Variants in FAT3 observed in about 807,000 individuals in gnomAD.
The protein encoded by FAT3 is protocadherin Fat 3.
A neutral mutation model predicts 310.2 loss-of-function variants in FAT3; 95 were observed. That is an observed-to-expected ratio of 0.31 (90% CI 0.26 to 0.36). FAT3 has a LOEUF of 0.36. FAT3 is among the 10% of genes least tolerant of loss of function. FAT3 has a pLI of 1.00. For synonymous variants in FAT3, 2,314 were observed against 2,192.9 expected, an observed-to-expected ratio of 1.06 and a Z score of -1.54; for missense variants, 5,408 against 5,715.6, an observed-to-expected ratio of 0.95 and a Z score of 1.74.
At chr11:92,311,193 A>AC (rs1947296090) in intron 1 of FAT3, among the ~76,000 whole-genome samples, 1 of 152,134 alleles carries the variant, frequency 6.6e-6, no homozygotes, top group Non-Finnish European at 1.5e-5. Flanking sequence ...TTTGGTTAAG[A>AC]ATCATTTCAA....
chr11:92,309,982 T>C (rs1361050291), intron 1 of FAT3, among the ~76,000 whole-genome samples: 1 of 151,914 alleles, frequency 6.6e-6, no homozygotes, highest in African/African-American at 2.4e-5. Flanking sequence ...TTTTTTAATA[T>C]GTGAAGGAAA....
chr11:92,593,267 C>T (rs916371439), intron 3 of FAT3, among the ~76,000 whole-genome samples: 3 of 152,022 alleles, frequency 2.0e-5, no homozygotes, highest in African/African-American at 7.2e-5. Flanking sequence ...CTGCTGTGAA[C>T]ATGGGTGAAA....
At chr11:92,349,894 A>G (rs1399529980) in intron 1 of FAT3, among the ~76,000 whole-genome samples, 1 of 152,082 alleles carries the variant, frequency 6.6e-6, no homozygotes, top group East Asian at 1.9e-4. Flanking sequence ...AAATGATAGC[A>G]GCAAGATATC....
intron 1 of FAT3, among the ~76,000 whole-genome samples, chr11:92,254,088 C>T (rs1737356297): frequency 6.6e-6 from 1 of 152,156 alleles, no homozygotes; most frequent in African/African-American, 2.4e-5. Flanking sequence ...GGAATCACCA[C>T]ACTCTGATGG....
At chr11:92,829,602 A>C (rs905987346) in intron 13 of FAT3, among the ~76,000 whole-genome samples, 26 of 152,252 alleles carry the variant, frequency 1.7e-4, no homozygotes, top group African/African-American at 6.0e-4. Context: ...GAAGAATTTA[A>C]TCTTGCAGCC....
At chr11:92,454,101 T>C (rs1158569313) in intron 2 of FAT3, among the ~76,000 whole-genome samples, 1 of 152,164 alleles carries the variant, frequency 6.6e-6, no homozygotes, top group Non-Finnish European at 1.5e-5. Context: ...AAATTAAAAG[T>C]TATTGGTAAG....
At position 92,594,955 on chromosome 11, in the gene FAT3, G is replaced by T. The variant is rs183970920; in HGVS notation, c.3607+70007G>T. Among the ~76,000 whole-genome samples, 534 of 151,942 alleles carry T rather than the reference G, an allele frequency of 3.5e-3. 3 individuals are homozygous for T. Among genetic ancestry groups the T allele is most frequent in the Non-Finnish European group, 4.2e-3 (285 of 67,974 alleles). ...TATTAGAAAAATTGTACCTATTAAG[G>T]TGCTCATTCATATATATGAATACAT... On this transcript the variant is annotated intron_variant, in intron 3 of 27. Transcript: ENST00000525166.
rs1408772001 is a variant in FAT3, at chr11:92,831,745, A to G, written c.9605A>G (p.Asn3202Ser). 6.2e-6 allele frequency: 10 copies of G among 1,613,518 alleles called. No individual in the cohort carries two copies. Among genetic ancestry groups the G allele is most frequent in the East Asian group, 2.2e-5 (1 of 44,842 alleles). ...GACCGTGAGCAGCAGTCTTCGTACAACATCAGCGTGCGGGCCACTGACCAG... is the reference window on the plus strand; with the variant it reads ...GACCGTGAGCAGCAGTCTTCGTACAGCATCAGCGTGCGGGCCACTGACCAG... ...PLDREQQSSY[N>S]ISVRATDQSP... The change falls in exon 14 of 28, where the codon AAC becomes AGC. Residue 3202 changes from asparagine to serine, a missense_variant. Physicochemically the swap from Asn to Ser is conservative, Grantham distance 46 (BLOSUM62 1). Around this residue, in one of 5 missense-constraint regions of FAT3, gnomAD observed 4,588 missense variants for 4,809.8 expected, o/e 0.95. Coordinates refer to ENST00000525166, the MANE Select transcript of FAT3 (RefSeq NM_001367949.2).
chr11:92,511,577 G>A (rs919939279), intron 2 of FAT3, among the ~76,000 whole-genome samples: 19 of 152,182 alleles, frequency 1.2e-4, no homozygotes, highest in Non-Finnish European at 2.6e-4. Context: ...CTAGTGGGGA[G>A]CTCACAGTAG....
intron 1 of FAT3, among the ~76,000 whole-genome samples, chr11:92,246,079 C>T (rs147173260): frequency 2.0e-5 from 3 of 152,014 alleles, no homozygotes; most frequent in African/African-American, 7.2e-5. Flanking sequence ...GACTGACTGT[C>T]GACTGAGCAA....
intron 2 of FAT3, among the ~76,000 whole-genome samples, chr11:92,429,583 A>G (rs933988428): frequency 6.6e-6 from 1 of 152,156 alleles, no homozygotes; most frequent in Admixed American, 6.5e-5. Flanking sequence ...TGGTGGTAAC[A>G]AGATCCCTCA....
At chr11:92,655,482 C>T (rs1942544364) in intron 3 of FAT3, among the ~76,000 whole-genome samples, 1 of 152,152 alleles carries the variant, frequency 6.6e-6, no homozygotes, top group Admixed American at 6.6e-5. Context: ...GTTTTGTTGG[C>T]AGGACAGAAG....
At chr11:92,324,309 T>A (rs1386105123) in intron 1 of FAT3, among the ~76,000 whole-genome samples, 1 of 152,252 alleles carries the variant, frequency 6.6e-6, no homozygotes, top group African/African-American at 2.4e-5. Context: ...TCAACATGCC[T>A]TCCTTACTAA....
At chr11:92,408,254 C>T (rs1565292485) in intron 2 of FAT3, 1 of 152,204 alleles carries the variant, frequency 6.6e-6, no homozygotes, top group Non-Finnish European at 1.5e-5. Context: ...CAAGACCCCA[C>T]TCTTATGACC....
At chr11:92,621,066 T>TG (rs1941062721) in intron 3 of FAT3, among the ~76,000 whole-genome samples, 1 of 152,138 alleles carries the variant, frequency 6.6e-6, no homozygotes, top group Non-Finnish European at 1.5e-5. Context: ...AGATTAGAGT[T>TG]TCAACATACA....
intron 3 of FAT3, among the ~76,000 whole-genome samples, chr11:92,577,102 T>A (rs1425160150): frequency 6.6e-6 from 1 of 152,082 alleles, no homozygotes; most frequent in African/African-American, 2.4e-5. Flanking sequence ...GTTTTTATTT[T>A]TTATTTTTAT....
At chr11:92,740,597 T>C (rs1055948981) in intron 4 of FAT3, among the ~76,000 whole-genome samples, 2 of 152,178 alleles carry the variant, frequency 1.3e-5, no homozygotes, top group Non-Finnish European at 2.9e-5. Context: ...AAAAATTCTT[T>C]TAGGAGAGTA....
intron 3 of FAT3, among the ~76,000 whole-genome samples, chr11:92,568,268 G>T (rs868262182): frequency 3.3e-5 from 5 of 152,182 alleles, no homozygotes; most frequent in Middle Eastern, 3.4e-3. Flanking sequence ...AAGATAAGAA[G>T]AATTTAAATG....
chr11:92,433,858 T>A (rs1439644331), intron 2 of FAT3, among the ~76,000 whole-genome samples: 4 of 149,206 alleles, frequency 2.7e-5, no homozygotes, highest in African/African-American at 5.0e-5. Flanking sequence ...AAAAAAAAAA[T>A]ACAAAAAATT....
Sources: gnomAD v4.1 joint callset for allele counts (sites outside exome capture counted in the v4.1 genomes callset) on GRCh38, gnomAD v4.1.1 for gene constraint, gnomAD v4.1.1 regional missense constraint, MANE v1.5 for transcripts, NCBI Gene and HGNC (gene_info 2026-07-23, HGNC 2026-07-21) for gene names.